RARB: variants seen among roughly 807,000 people sequenced by gnomAD.
The protein encoded by RARB is HBV-activated protein.
A neutral mutation model predicts 51.9 loss-of-function variants in RARB; 17 were observed. That is an observed-to-expected ratio of 0.33 (90% CI 0.22 to 0.49). RARB has a LOEUF of 0.49. Ranked by LOEUF, RARB falls within the 20% of genes least tolerant of loss-of-function variation. The pLI is 0.99. For synonymous variants in RARB, 215 were observed against 195.4 expected, an observed-to-expected ratio of 1.10 and a Z score of -0.84; for missense variants, 369 against 550.8, an observed-to-expected ratio of 0.67 and a Z score of 3.30.
At chr3:25,415,299 A>G (rs1480952991) in intron 5 of RARB, among the ~76,000 whole-genome samples, 1 of 151,610 alleles carries the variant, frequency 6.6e-6, no homozygotes, top group African/African-American at 2.4e-5. Flanking sequence ...ATTTTCTCCT[A>G]TTTTCTTCTA....
chr3:25,562,300 T>C (rs1224976524), intron 3 of RARB, among the ~76,000 whole-genome samples: 4 of 152,084 alleles, frequency 2.6e-5, no homozygotes, highest in Non-Finnish European at 5.9e-5. Context: ...AGTAAGTGTG[T>C]GAGTTTATTC....
intron 2 of RARB, among the ~76,000 whole-genome samples, chr3:24,907,459 A>G (rs556033384): frequency 2.6e-4 from 40 of 152,204 alleles, no homozygotes; most frequent in Non-Finnish European, 5.6e-4. Flanking sequence ...CAAGCAAATG[A>G]AAGTTTTAAA....
At chr3:25,166,491 T>C (rs1254123809) in intron 4 of RARB, among the ~76,000 whole-genome samples, 1 of 152,176 alleles carries the variant, frequency 6.6e-6, no homozygotes, top group African/African-American at 2.4e-5. Context: ...AATATATATG[T>C]AGTGTCTGTC....
intron 2 of RARB, among the ~76,000 whole-genome samples, chr3:25,030,064 G>T (rs1407952816): frequency 4.6e-5 from 7 of 152,180 alleles, no homozygotes; most frequent in Non-Finnish European, 1.5e-5. Flanking sequence ...ATCAAATTGA[G>T]CTTTCAGTGC....
chr3:25,043,067 A>G (rs1456125492), intron 2 of RARB, among the ~76,000 whole-genome samples: 1 of 152,208 alleles, frequency 6.6e-6, no homozygotes, highest in Non-Finnish European at 1.5e-5. Context: ...CAGGGGAGCG[A>G]CCGTCAGAGG....
chr3:24,934,358 C>T (rs1465085808), intron 2 of RARB, among the ~76,000 whole-genome samples: 1 of 152,104 alleles, frequency 6.6e-6, no homozygotes, highest in Non-Finnish European at 1.5e-5. Context: ...GATATTCTGG[C>T]AGGTTTTTCT....
intron 5 of RARB, among the ~76,000 whole-genome samples, chr3:25,354,549 A>T (rs1047363221): frequency 2.6e-5 from 4 of 152,138 alleles, no homozygotes; most frequent in African/African-American, 9.6e-5. Flanking sequence ...TTCCCATGGT[A>T]CAAGCAAACC....
intron 2 of RARB, among the ~76,000 whole-genome samples, chr3:25,009,493 T>C (rs1248046844): frequency 1.3e-5 from 2 of 152,060 alleles, no homozygotes; most frequent in Non-Finnish European, 2.9e-5. Flanking sequence ...ATCCCGTGAG[T>C]CCAGTAAGCA....
At chr3:25,212,928 G>A (rs571202846) in intron 5 of RARB, among the ~76,000 whole-genome samples, 3 of 152,142 alleles carry the variant, frequency 2.0e-5, no homozygotes, top group Non-Finnish European at 2.9e-5. Flanking sequence ...ACTAGGCCAC[G>A]GACGGGAAGT....
At chr3:25,184,762 C>G (rs536253288) in intron 5 of RARB, among the ~76,000 whole-genome samples, 1 of 152,008 alleles carries the variant, frequency 6.6e-6, no homozygotes, top group Non-Finnish European at 1.5e-5. Context: ...TATGGTGGCT[C>G]ACACCTATAC....
intron 2 of RARB, among the ~76,000 whole-genome samples, chr3:24,920,257 C>T (rs1695190059): frequency 6.6e-6 from 1 of 152,070 alleles, no homozygotes; most frequent in Non-Finnish European, 1.5e-5. Context: ...CCAATTAGGG[C>T]CAATTTCCAA....
At chr3:25,442,543 A>T (rs539356774) in intron 1 of RARB, among the ~76,000 whole-genome samples, 1 of 152,260 alleles carries the variant, frequency 6.6e-6, no homozygotes, top group Non-Finnish European at 1.5e-5. Context: ...TTCTTTCAGT[A>T]TTTGTTCATT....
intron 5 of RARB, among the ~76,000 whole-genome samples, chr3:25,195,088 T>C (rs1343929715): frequency 1.3e-5 from 2 of 152,026 alleles, no homozygotes; most frequent in East Asian, 3.9e-4. Flanking sequence ...AGTCAGTAAT[T>C]AGAAGGCAAA....
In RARB at chr3:25,478,342, G is replaced by C. The variant is rs1180099985; in HGVS notation, c.306+17001G>C. Among the ~76,000 whole-genome samples, 3 of 152,226 alleles carry C rather than the reference G, an allele frequency of 2.0e-5. No homozygotes were observed. The East Asian group carries it at 5.8e-4, about 29-fold the overall frequency. On this transcript the variant is annotated intron_variant, in intron 2 of 7. Coordinates refer to ENST00000330688, the MANE Select transcript of RARB (RefSeq NM_000965.5). ...TGGAAAATCCAAGCTGCTGCAGACT[G>C]AGTTTAGTTTTGAATCACAGGCTCT...
chr3:25,274,275 A>T (rs1703325141), intron 5 of RARB, among the ~76,000 whole-genome samples: 1 of 152,216 alleles, frequency 6.6e-6, no homozygotes, highest in African/African-American at 2.4e-5. Context: ...TCCAGTGTGT[A>T]TTTATACTAA....
At chr3:25,557,209 C>T (rs936683979) in intron 3 of RARB, among the ~76,000 whole-genome samples, 1 of 151,772 alleles carries the variant, frequency 6.6e-6, no homozygotes, top group African/African-American at 2.4e-5. Context: ...CTTTGAGTTC[C>T]TCTATAGGTT....
At chr3:25,052,421 TA>T (rs946496735) in intron 2 of RARB, among the ~76,000 whole-genome samples, 4 of 152,146 alleles carry the variant, frequency 2.6e-5, no homozygotes, top group Non-Finnish European at 4.4e-5. Context: ...GAATTGTATA[TA>T]AAAAAATACA....
chr3:24,878,153 C>A (rs563564302), intron 2 of RARB, among the ~76,000 whole-genome samples: 1 of 151,684 alleles, frequency 6.6e-6, no homozygotes, highest in South Asian at 2.1e-4. Context: ...TATCATAACT[C>A]TTCTAGTCCA....
At chr3:25,484,216 GA>G (rs1696361643) in intron 2 of RARB, among the ~76,000 whole-genome samples, 1 of 152,164 alleles carries the variant, frequency 6.6e-6, no homozygotes, top group Non-Finnish European at 1.5e-5. Context: ...TTCTTTATGA[GA>G]AAGGGCGAGG....
Sources: allele counts gnomAD v4.1 joint callset (sites outside exome capture counted in the v4.1 genomes callset), GRCh38; gene constraint gnomAD v4.1.1; transcripts MANE v1.5; gene names NCBI Gene and HGNC (gene_info 2026-07-23, HGNC 2026-07-21).